The following PPIG variants were observed in gnomAD, a reference collection of about 807,000 sequenced individuals.
The protein encoded by PPIG is peptidyl-prolyl cis-trans isomerase G.
Under a neutral mutation model 87.9 loss-of-function variants are expected in PPIG, and 26 were observed. That is an observed-to-expected ratio of 0.30 (90% CI 0.22 to 0.41). The LOEUF (loss-of-function observed/expected upper bound fraction) is 0.41, where lower values mean the gene tolerates loss of function less well. Among genes scored for constraint, PPIG ranks in the 10% least tolerant of loss-of-function variants. PPIG has a pLI of 1.00. For missense variants in PPIG, 722 were observed against 879.4 expected (o/e 0.82, Z 2.26); for synonymous variants, 308 against 276.5 (o/e 1.11, Z -1.13).
intron 7 of PPIG, among the ~76,000 whole-genome samples, chr2:169,609,015 G>C (rs1255157768): frequency 1.3e-5 from 2 of 151,178 alleles, no homozygotes; most frequent in African/African-American, 4.9e-5. Context: ...ACCCGGGAGG[G>C]GGAGCTTACA....
At chr2:169,584,518 T>TGGC (rs1684643890) in intron 1 of PPIG, 28 bp downstream of exon 1, 1 of 470,068 alleles carries the variant, frequency 2.1e-6, no homozygotes, top group African/African-American at 2.0e-5. Flanking sequence ...CAAGTTGTTC[T>TGGC]GGCGGCGTCA....
At chr2:169,587,877 C>G (rs1259010880) in intron 1 of PPIG, among the ~76,000 whole-genome samples, 1 of 151,968 alleles carries the variant, frequency 6.6e-6, no homozygotes, top group African/African-American at 2.4e-5. Flanking sequence ...GAATGATGGC[C>G]GGGGGTGGTG....
rs762554646 is a variant in PPIG at position 169,640,865 on chromosome 2, GGT to G, written c.*3343_*3344del. On this transcript the variant is annotated 3_prime_UTR_variant, in exon 14 of 14. Coordinates refer to ENST00000260970, the MANE Select transcript of PPIG (RefSeq NM_004792.3). ...TCTTTGGCCTATTGTGTGACAAAGAGGTATATATTAAAGGAAAAGAAAAATGA... is the reference window on the plus strand; with the variant it reads ...TCTTTGGCCTATTGTGTGACAAAGAGATATATTAAAGGAAAAGAAAAATGA... 3.9e-5 allele frequency: 6 copies of G among 152,026 alleles called. No homozygotes were observed. Among genetic ancestry groups the G allele is most frequent in the Admixed American group, 6.6e-5 (1 of 15,246 alleles). 9.4% of individuals were successfully genotyped at this position (152,026 alleles called of 1,614,324 possible). A position where few individuals can be genotyped will look rare whatever the true frequency, so the allele number is the denominator to read the frequency against.
chr2:169,619,853 A>G (rs1263944253), intron 9 of PPIG, among the ~76,000 whole-genome samples: 1 of 152,052 alleles, frequency 6.6e-6, no homozygotes, highest in African/African-American at 2.4e-5. Flanking sequence ...CATTTTTGCC[A>G]TATACCTGTT....
chr2:169,637,261 G>A lies in PPIG; in HGVS notation c.2003G>A (p.Ser668Asn). 1 of 1,612,802 alleles carries A rather than the reference G, an allele frequency of 6.2e-7. No individual in the cohort carries two copies. The change falls in exon 14 of 14, where the codon AGT (serine) becomes AAT (asparagine). Residue 668 changes from serine (S) to asparagine (N), a missense_variant. This residue lies in a region of PPIG where 476 missense variants were observed against 483.1 expected (regional missense o/e 0.99). Coordinates refer to ENST00000260970, the MANE Select transcript of PPIG (RefSeq NM_004792.3). ...SESEKRMYSK[S>N]RDHNSSNNSR... Reference sequence around the variant, plus strand: ...AGTGAGAAAAGAATGTACTCTAAAAGTCGTGATCATAATAGCTCAAATAAC... The same window carrying A: ...AGTGAGAAAAGAATGTACTCTAAAAATCGTGATCATAATAGCTCAAATAAC...
At chr2:169,606,535 T>C (rs899290757) in intron 5 of PPIG, among the ~76,000 whole-genome samples, 2 of 137,796 alleles carry the variant, frequency 1.5e-5, no homozygotes, top group African/African-American at 5.6e-5. Context: ...GAAGTTGCGG[T>C]GAGCTGAGAT....
chr2:169,603,704 T>C lies in PPIG; in HGVS notation c.-17+10T>C, dbSNP rs1685247994. On this transcript the variant is annotated intron_variant, in intron 2 of 13. Transcript: ENST00000260970. The stretch of plus-strand genomic sequence containing the variant: ...TTTTCTTCATTTGAAGGTAATCTGC[T>C]TATTGAGTTCACTAATCATACAGAG... 1 of 203,916 alleles carries C rather than the reference T, an allele frequency of 4.9e-6. No individual in the cohort carries two copies. Among genetic ancestry groups the C allele is most frequent in the African/African-American group, 2.3e-5 (1 of 42,904 alleles). 12.6% of individuals were successfully genotyped at this position (203,916 alleles called of 1,614,324 possible).
intron 4 of PPIG, 36 bp downstream of exon 4, chr2:169,604,297 T>C: frequency 7.0e-7 from 1 of 1,437,924 alleles, no homozygotes; most frequent in Non-Finnish European, 9.7e-7. Context: ...AATAGTAGTC[T>C]CAGTTGACTA....
At chr2:169,620,661 A>G (rs1441230313) in intron 9 of PPIG, among the ~76,000 whole-genome samples, 2 of 152,172 alleles carry the variant, frequency 1.3e-5, no homozygotes, top group African/African-American at 4.8e-5. Context: ...GAAGCATCCA[A>G]CATGTTTGAG....
Position 169,633,338 on chromosome 2 carries a change from G to A in PPIG, c.1017+91G>A, listed in dbSNP as rs1421109722. The stretch of plus-strand genomic sequence containing the variant: ...TGTTTCTTAAATATTATTTTAATGT[G>A]CAAGTAACTAAAATTTAGGGGAGAT... On this transcript the variant is annotated intron_variant, in intron 12 of 13. Coordinates refer to ENST00000260970, the MANE Select transcript of PPIG (RefSeq NM_004792.3). 3.0e-6 allele frequency: 3 copies of A among 1,014,196 alleles called. No individual in the cohort carries two copies. In the East Asian group the frequency reaches 7.7e-5, roughly 26 times the overall value. The allele number at this position is 1,014,196 out of a possible 1,614,324, so 62.8% of individuals were successfully genotyped here.
At chr2:169,590,692 A>G (rs1684841581) in intron 1 of PPIG, among the ~76,000 whole-genome samples, 1 of 152,164 alleles carries the variant, frequency 6.6e-6, no homozygotes, top group African/African-American at 2.4e-5. Context: ...TGAAGTTCCC[A>G]GAGAGTGAAC....
intron 12 of PPIG, 195 bp downstream of exon 12, chr2:169,633,442 T>A (rs538608612): frequency 3.6e-5 from 22 of 607,466 alleles, no homozygotes; most frequent in Non-Finnish European, 5.4e-5. Flanking sequence ...CCATGAGATA[T>A]GAATAGATTT....
At chr2:169,602,221 T>C (rs1685204820) in intron 1 of PPIG, among the ~76,000 whole-genome samples, 1 of 124,034 alleles carries the variant, frequency 8.1e-6, no homozygotes, top group Non-Finnish European at 1.8e-5. Context: ...ATTCCAAAAT[T>C]CAAAAAAAAA....
intron 12 of PPIG, among the ~76,000 whole-genome samples, chr2:169,634,814 G>T (rs911931808): frequency 2.6e-5 from 4 of 152,050 alleles, no homozygotes; most frequent in African/African-American, 9.7e-5. Flanking sequence ...CCATCATATT[G>T]TCTGAGCTGT....
At chr2:169,613,845 G>C (rs1481484978) in intron 7 of PPIG, among the ~76,000 whole-genome samples, 3 of 152,204 alleles carry the variant, frequency 2.0e-5, no homozygotes, top group Non-Finnish European at 2.9e-5. Context: ...AGGATAGCTT[G>C]AGCCCAGAAT....
At chr2:169,623,634 C>T (rs922121959) in intron 9 of PPIG, among the ~76,000 whole-genome samples, 2 of 152,160 alleles carry the variant, frequency 1.3e-5, no homozygotes, top group Admixed American at 6.6e-5. Flanking sequence ...AAGAGGAACA[C>T]TAGAGATTCA....
chr2:169,585,279 T>TTTTTTTTTTTG (rs71006004), intron 1 of PPIG, among the ~76,000 whole-genome samples: 1 of 149,470 alleles, frequency 6.7e-6, no homozygotes, highest in Admixed American at 6.7e-5. Context: ...TCTTTTTTTT[T>TTTTTTTTTTTG]GAGACGGAGT....
At chr2:169,587,686 A>G (rs538343606) in intron 1 of PPIG, among the ~76,000 whole-genome samples, 5 of 152,250 alleles carry the variant, frequency 3.3e-5, no homozygotes, top group African/African-American at 9.6e-5. Flanking sequence ...GAAATTTACT[A>G]CAGACAGTAT....
At chr2:169,600,123 G>A (rs1396663468) in intron 1 of PPIG, among the ~76,000 whole-genome samples, 1 of 150,700 alleles carries the variant, frequency 6.6e-6, no homozygotes, top group African/African-American at 2.4e-5. Context: ...CACCCAGGCT[G>A]GAGTACAGTG....
Sources: gnomAD v4.1 joint callset for allele counts (sites outside exome capture counted in the v4.1 genomes callset) on GRCh38, gnomAD v4.1.1 for gene constraint, gnomAD v4.1.1 regional missense constraint, MANE v1.5 for transcripts, NCBI Gene and HGNC (gene_info 2026-07-23, HGNC 2026-07-21) for gene names.